Variants in UTS2B observed in about 807,000 individuals in gnomAD.
UTS2B encodes urotensin-2B.
UTS2B carries 21 observed loss-of-function variants against 19.2 expected under a neutral mutation model. That is an observed-to-expected ratio of 1.09 (90% CI 0.78 to 1.58). The LOEUF (loss-of-function observed/expected upper bound fraction) is 1.58, where lower values mean the gene tolerates loss of function less well. UTS2B is among the 40% of genes most tolerant of loss of function. The pLI, the probability that UTS2B is intolerant of heterozygous loss-of-function variation, is 0.00. For missense variants in UTS2B, 138 were observed against 130.3 expected (o/e 1.06, Z -0.29); for synonymous variants, 57 against 50.2 (o/e 1.14, Z -0.58).
At chr3:191,323,015 A>C (rs1717648808) in intron 2 of UTS2B, among the ~76,000 whole-genome samples, 1 of 152,192 alleles carries the variant, frequency 6.6e-6, no homozygotes. Flanking sequence ...TGGTTGTTAA[A>C]TGCTTTGACT....
chr3:191,275,896 A>C (rs1476262280), intron 7 of UTS2B, among the ~76,000 whole-genome samples: 1 of 152,168 alleles, frequency 6.6e-6, no homozygotes, highest in African/African-American at 2.4e-5. Flanking sequence ...TGACTCAACA[A>C]AAGATCAGAA....
the UTS2B span, among the ~76,000 whole-genome samples, chr3:191,337,402 C>T: frequency 6.7e-6 from 1 of 148,534 alleles, no homozygotes; most frequent in Non-Finnish European, 1.5e-5. Context: ...TTCTCTCTCT[C>T]TTTTTTTTTT....
At chr3:191,310,221 C>T (rs1244468075) in intron 3 of UTS2B, among the ~76,000 whole-genome samples, 2 of 152,084 alleles carry the variant, frequency 1.3e-5, no homozygotes, top group Admixed American at 1.3e-4. Context: ...CCGCCTCAGC[C>T]TCCCAAAGTG....
At chr3:191,338,297 TA>T in the UTS2B span, among the ~76,000 whole-genome samples, 1 of 152,222 alleles carries the variant, frequency 6.6e-6, no homozygotes, top group African/African-American at 2.4e-5. Context: ...TCTTTTATAT[TA>T]TGAAGGTCTG....
Position 191,324,363 on chromosome 3 carries a change from A to G in UTS2B, c.-586+4268T>C, listed in dbSNP as rs549896579. On this transcript the variant is annotated intron_variant, in intron 2 of 8. Coordinates refer to ENST00000340524, the MANE Select transcript of UTS2B (RefSeq NM_198152.5). ...AGCAACTGAAAATAGAGTAAGACAG[A>G]TGGGATAGGGTGATATGGCTTGGCG... is the stretch of plus-strand genomic sequence containing the variant. Among the ~76,000 whole-genome samples, 10 of 152,320 alleles carry G rather than the reference A, an allele frequency of 6.6e-5. No homozygotes were observed. The South Asian group carries it at 8.3e-4, about 13-fold the overall frequency.
At position 191,282,083 on chromosome 3, in the gene UTS2B, G is replaced by A. The variant is rs6444534; in HGVS notation, c.103+4C>T. The stretch of plus-strand genomic sequence containing the variant: ...TGTAGGATTTTTAATTGATATGCAC[G>A]TACCTTGGGTAAGATATGGTCGTCC... On this transcript the variant is annotated splice_donor_region_variant and intron_variant, in intron 5 of 8. Coordinates refer to ENST00000340524, the MANE Select transcript of UTS2B (RefSeq NM_198152.5). 924,793 of 1,587,246 alleles carry A rather than the reference G, an allele frequency of 0.58. 275,522 individuals carry two copies. Among genetic ancestry groups the A allele is most frequent in the Admixed American group, 0.61 (35,665 of 58,398 alleles).
intron 3 of UTS2B, among the ~76,000 whole-genome samples, chr3:191,312,323 TC>T (rs1717325578): frequency 1.3e-5 from 2 of 152,094 alleles, no homozygotes. Context: ...GAGTCAAGGA[TC>T]CTGAGGACAC....
chr3:191,306,660 G>C (rs527992414), intron 3 of UTS2B, among the ~76,000 whole-genome samples: 4 of 152,112 alleles, frequency 2.6e-5, no homozygotes, highest in African/African-American at 9.7e-5. Context: ...TGTTTGAGAC[G>C]GAGTCTCTTG....
chr3:191,295,557 C>T (rs13067368), intron 4 of UTS2B, among the ~76,000 whole-genome samples: 58,864 of 151,636 alleles, frequency 0.39, 12,084 homozygotes, highest in East Asian at 0.64. Flanking sequence ...TTACCTTCTA[C>T]ATGTCAGTGA....
At chr3:191,314,350 G>A (rs9861203) in intron 3 of UTS2B, among the ~76,000 whole-genome samples, 30,257 of 152,014 alleles carry the variant, frequency 0.2, 3,295 homozygotes, top group Non-Finnish European at 0.23. Context: ...GTCAGCAGTC[G>A]TGCATTCTAT....
intron 8 of UTS2B, 22 bp from the exon 9 acceptor site, chr3:191,268,463 AT>A (rs540348938): frequency 8.3e-5 from 126 of 1,511,748 alleles, no homozygotes; most frequent in African/African-American, 5.5e-4. Flanking sequence ...AACAAAATAC[AT>A]TTTTTATTAG....
intron 4 of UTS2B, among the ~76,000 whole-genome samples, chr3:191,295,706 T>C (rs1404398496): frequency 6.6e-6 from 1 of 151,992 alleles, no homozygotes; most frequent in Non-Finnish European, 1.5e-5. Context: ...AATGTATCAT[T>C]TATTTTTCAG....
chr3:191,277,911 A>C (rs1253856672), intron 6 of UTS2B, among the ~76,000 whole-genome samples, 161 bp downstream of exon 6: 1 of 151,936 alleles, frequency 6.6e-6, no homozygotes, highest in Non-Finnish European at 1.5e-5. Context: ...CCATGGATTT[A>C]ACATAAATAT....
rs1049300266 is a variant in UTS2B at position 191,267,767 on chromosome 3, G to C, written c.*649C>G. ...TTGTATGTAGAAGTACAGTACATTT[G>C]TATGTAGAAGTACAGTATACAGAGA... On this transcript the variant is annotated 3_prime_UTR_variant, in exon 9 of 9. Coordinates refer to ENST00000340524, the MANE Select transcript of UTS2B (RefSeq NM_198152.5). 4 of 150,648 alleles carry C rather than the reference G, an allele frequency of 2.7e-5. No homozygotes were observed. The highest frequency in any genetic ancestry group is 9.7e-5 in the African/African-American group (4 of 41,252). 9.3% of individuals were successfully genotyped at this position (150,648 alleles called of 1,614,324 possible).
At chr3:191,320,641 G>A (rs143097327) in intron 2 of UTS2B, among the ~76,000 whole-genome samples, 4 of 152,312 alleles carry the variant, frequency 2.6e-5, no homozygotes, top group South Asian at 4.1e-4. Context: ...TTTAGACCAC[G>A]GTAGCAGCAG....
intron 4 of UTS2B, among the ~76,000 whole-genome samples, chr3:191,299,959 A>T (rs1331110275): frequency 6.6e-6 from 1 of 152,212 alleles, no homozygotes; most frequent in Non-Finnish European, 1.5e-5. Context: ...GAGCTCTAAG[A>T]TTTAATGACT....
chr3:191,297,953 A>G (rs961140062), intron 4 of UTS2B, among the ~76,000 whole-genome samples: 7 of 152,218 alleles, frequency 4.6e-5, no homozygotes, highest in Non-Finnish European at 7.3e-5. Flanking sequence ...CTTCTGTCAT[A>G]TAACACTGAG....
In UTS2B at chr3:191,329,937, G is replaced by T. The variant is rs112686490; in HGVS notation, c.-665+477C>A. Among the ~76,000 whole-genome samples the T allele has an allele frequency of 0.019, 1,877 of 99,296 alleles. 72 individuals are homozygous for T. The highest frequency in any genetic ancestry group is 0.093 in the African/African-American group (1,789 of 19,194). 65.1% of individuals were successfully genotyped at this position (99,296 alleles called of 152,430 possible). ...TCCAAGCCCGTTTTTTCTCAAGGGG[G>T]TGGTTGGGGGGGGGGGGGGCTAGCA... On this transcript the variant is annotated intron_variant, in intron 1 of 8. Transcript: ENST00000340524.
In UTS2B at chr3:191,318,751, G is replaced by A. The variant is rs1043809296; in HGVS notation, c.-585-2312C>T. Among the ~76,000 whole-genome samples, 5 of 152,232 alleles carry A rather than the reference G, an allele frequency of 3.3e-5. No homozygotes were observed. In the South Asian group the frequency reaches 6.2e-4, roughly 19 times the overall value. ...CTCCCAAAGTGTTGGGATGACAGGTGTGAGCTGCTGTGCCTGGCTGAAGAT... is the reference window on the plus strand; with the variant it reads ...CTCCCAAAGTGTTGGGATGACAGGTATGAGCTGCTGTGCCTGGCTGAAGAT... On this transcript the variant is annotated intron_variant, in intron 2 of 8. Transcript: ENST00000340524.
Sources: gnomAD v4.1 joint callset for allele counts (sites outside exome capture counted in the v4.1 genomes callset) on GRCh38, gnomAD v4.1.1 for gene constraint, MANE v1.5 for transcripts, NCBI Gene and HGNC (gene_info 2026-07-23, HGNC 2026-07-21) for gene names.